Variants in EFHB observed in about 807,000 individuals in gnomAD.
The protein encoded by EFHB is EF-hand domain family member B.
A neutral mutation model predicts 87.2 loss-of-function variants in EFHB; 91 were observed. That is an observed-to-expected ratio of 1.04 (90% CI 0.88 to 1.24). The LOEUF (loss-of-function observed/expected upper bound fraction) is 1.24, where lower values mean the gene tolerates loss of function less well. Ranked by LOEUF, EFHB falls within the 50% of genes most tolerant of loss-of-function variation. The pLI is 0.00. For synonymous variants in EFHB, 325 were observed against 333.6 expected, an observed-to-expected ratio of 0.97 and a Z score of 0.28; for missense variants, 1,084 against 998.8, an observed-to-expected ratio of 1.09 and a Z score of -1.15.
intron 6 of EFHB, among the ~76,000 whole-genome samples, chr3:19,901,991 C>T (rs111951713): frequency 6.6e-6 from 1 of 151,644 alleles, no homozygotes; most frequent in Non-Finnish European, 1.5e-5. Context: ...TAATTAGGAA[C>T]ATGCAGAGAT....
At chr3:19,925,618 T>C (rs1695596667) in intron 1 of EFHB, among the ~76,000 whole-genome samples, 2 of 152,172 alleles carry the variant, frequency 1.3e-5, no homozygotes, top group Admixed American at 6.5e-5. Flanking sequence ...GCTCGGTCCC[T>C]AACAACACCG....
intron 6 of EFHB, among the ~76,000 whole-genome samples, chr3:19,900,999 A>G (rs1365965243): frequency 6.6e-6 from 1 of 152,218 alleles, no homozygotes; most frequent in Non-Finnish European, 1.5e-5. Flanking sequence ...AGTGGAATAA[A>G]GAAAAGAATC....
chr3:19,944,533 C>A (rs1696228019), intron 1 of EFHB, among the ~76,000 whole-genome samples: 1 of 152,180 alleles, frequency 6.6e-6, no homozygotes, highest in Non-Finnish European at 1.5e-5. Flanking sequence ...AATAAAACAA[C>A]AGAGCTTTAC....
intron 1 of EFHB, among the ~76,000 whole-genome samples, chr3:19,931,048 CA>C (rs1695813626): frequency 6.6e-6 from 1 of 152,066 alleles, no homozygotes; most frequent in Non-Finnish European, 1.5e-5. Context: ...CCTAGAATTC[CA>C]GCTACTGGGA....
intron 5 of EFHB, among the ~76,000 whole-genome samples, chr3:19,911,510 AG>A (rs1695061856): frequency 6.6e-6 from 1 of 152,084 alleles, no homozygotes; most frequent in Non-Finnish European, 1.5e-5. Context: ...GTGAGCCAAG[AG>A]CACACCACTG....
intron 1 of EFHB, chr3:19,940,563 G>T: frequency 4.0e-6 from 2 of 497,814 alleles, no homozygotes; most frequent in South Asian, 1.4e-5. Flanking sequence ...AGGATTCAAG[G>T]GAATTCTTTG....
Position 19,920,537 on chromosome 3 carries a change from C to T in EFHB, c.820G>A (p.Val274Ile). The change falls in exon 2 of 13, where the codon GTT (valine) becomes ATT (isoleucine). Residue 274 changes from valine (V) to isoleucine (I), a missense_variant. Coordinates refer to ENST00000295824, the MANE Select transcript of EFHB (RefSeq NM_144715.4). ...AGKVIPVGYR[V>I]ATCLTEKLPR... ...AGTTTTTCAGTCAAGCAGGTTGCAA[C>T]TCTGTAACCAACTGGAATAACTTTT... 1 of 1,604,236 alleles carries T rather than the reference C, an allele frequency of 6.2e-7. No homozygotes were observed. Among genetic ancestry groups the T allele is most frequent in the South Asian group, 1.1e-5 (1 of 89,058 alleles).
upstream of EFHB, chr3:19,934,317 A>ATCTCTC (rs144284406): frequency 6.8e-5 from 71 of 1,043,482 alleles, no homozygotes; most frequent in Non-Finnish European, 7.8e-5. Context: ...CTCTCTCTCA[A>ATCTCTC]TCTCTCTCTC....
intron 1 of EFHB, among the ~76,000 whole-genome samples, chr3:19,921,258 T>C (rs1054276334): frequency 6.6e-6 from 1 of 151,960 alleles, no homozygotes; most frequent in Non-Finnish European, 1.5e-5. Context: ...TGAAAGTTTA[T>C]TATTATGTTA....
At chr3:19,939,203 G>A (rs1310640687), upstream of EFHB, among the ~76,000 whole-genome samples, 1 of 151,784 alleles carries the variant, frequency 6.6e-6, no homozygotes, top group East Asian at 1.9e-4. Context: ...AACATGCCCA[G>A]CCTACTTTAT....
upstream of EFHB, among the ~76,000 whole-genome samples, chr3:19,935,465 AC>A (rs1695989724): frequency 6.6e-6 from 1 of 152,086 alleles, no homozygotes; most frequent in Admixed American, 6.6e-5. Flanking sequence ...TAATCCCAGC[AC>A]TTTGGGAGGC....
At chr3:19,919,050 T>C (rs1326743564) in intron 3 of EFHB, among the ~76,000 whole-genome samples, 1 of 151,922 alleles carries the variant, frequency 6.6e-6, no homozygotes, top group East Asian at 1.9e-4. Flanking sequence ...CCAAAAGTTC[T>C]CTTCAGATAT....
At chr3:19,918,973 C>T (rs1043235815) in intron 3 of EFHB, among the ~76,000 whole-genome samples, 1 of 113,046 alleles carries the variant, frequency 8.8e-6, no homozygotes, top group African/African-American at 4.1e-5. Flanking sequence ...GAGTGAGACT[C>T]AGTCTCAAAA....
chr3:19,940,006 A>G (rs2125171652), intron 1 of EFHB, among the ~76,000 whole-genome samples: 1 of 152,272 alleles, frequency 6.6e-6, no homozygotes, highest in South Asian at 2.1e-4. Flanking sequence ...GACATCTCTC[A>G]AACACCACCT....
At chr3:19,937,612 C>G (rs550710889), upstream of EFHB, among the ~76,000 whole-genome samples, 1 of 152,254 alleles carries the variant, frequency 6.6e-6, no homozygotes, top group East Asian at 1.9e-4. Context: ...ATCTTTATGT[C>G]TACCACACTT....
At chr3:19,896,621 A>T (rs1418254278) in intron 9 of EFHB, 66 bp downstream of exon 9, 4 of 1,607,752 alleles carry the variant, frequency 2.5e-6, no homozygotes, top group Non-Finnish European at 3.4e-6. Flanking sequence ...CTGACCCCTG[A>T]TCTACACCAA....
intron 5 of EFHB, 131 bp downstream of exon 5, chr3:19,915,172 T>A: frequency 1.7e-6 from 1 of 602,588 alleles, no homozygotes; most frequent in Non-Finnish European, 3.0e-6. Flanking sequence ...TTTATGACCT[T>A]ATGAATAATA....
chr3:19,915,269 TCCTCA>T lies in EFHB; in HGVS notation c.1288+29_1288+33del, dbSNP rs1695188562. 2.8e-6 allele frequency: 4 copies of T among 1,442,882 alleles called. No individual in the cohort carries two copies. The South Asian group carries it at 3.6e-5, about 13-fold the overall frequency. The allele number at this position is 1,442,882 out of a possible 1,614,324, so 89.4% of individuals were successfully genotyped here. A position where few individuals can be genotyped will look rare whatever the true frequency, so the allele number is the denominator to read the frequency against. ...TCTTCACAAATCCGAGAGTCCCATA[TCCTCA>T]GGCCCATTTTGCATCGGAGGACACT... On this transcript the variant is annotated intron_variant, in intron 5 of 12. Coordinates refer to ENST00000295824, the MANE Select transcript of EFHB (RefSeq NM_144715.4).
chr3:19,908,598 G>GAGACAGAAAGAA (rs1694937855), intron 5 of EFHB, among the ~76,000 whole-genome samples: 2 of 77,796 alleles, frequency 2.6e-5, no homozygotes, highest in Non-Finnish European at 4.9e-5. Context: ...GAGAGAGAGA[G>GAGACAGAAAGAA]AGAAAGAAAG....
Sources: gnomAD v4.1 joint callset for allele counts (sites outside exome capture counted in the v4.1 genomes callset) on GRCh38, gnomAD v4.1.1 for gene constraint, MANE v1.5 for transcripts, NCBI Gene and HGNC (gene_info 2026-07-23, HGNC 2026-07-21) for gene names.